The following DNAJC17 variants were observed in gnomAD, a reference collection of about 807,000 sequenced individuals.
The protein encoded by DNAJC17 is DnaJ heat shock protein family (Hsp40) member C17.
Under a neutral mutation model 48.1 loss-of-function variants are expected in DNAJC17, and 35 were observed. That is an observed-to-expected ratio of 0.73 (90% CI 0.56 to 0.96). The LOEUF (loss-of-function observed/expected upper bound fraction) is 0.96, where lower values mean the gene tolerates loss of function less well. Ranked by LOEUF, DNAJC17 falls within the 50% of genes least tolerant of loss-of-function variation. The probability of loss-of-function intolerance (pLI) is 0.00; values close to 1 mark genes in which losing one functional copy is unlikely to be tolerated. For missense variants in DNAJC17, 355 were observed against 377.1 expected (o/e 0.94, Z 0.48); for synonymous variants, 117 against 142.7 (o/e 0.82, Z 1.28).
intron 8 of DNAJC17, 71 bp downstream of exon 8, chr15:40,774,960 G>T: frequency 6.6e-7 from 1 of 1,511,380 alleles, no homozygotes; most frequent in Non-Finnish European, 9.2e-7. Flanking sequence ...GGCATTGAGA[G>T]CAGAGACCTA....
chr15:40,770,085 C>G lies in DNAJC17; in HGVS notation c.793-2023G>C. On this transcript the variant is annotated intron_variant, in intron 10 of 10. Coordinates refer to ENST00000220496, the MANE Select transcript of DNAJC17 (RefSeq NM_018163.3). This position sits in a 1 kb window ranked among gnomAD's most constrained non-coding sequence, Gnocchi z 5.0. ...AGGCAAACACCAGGGCGAGTGAGCT[C>G]GGGCCATCTGCTGCCTGCCTGTGGA... The G allele has an allele frequency of 5.0e-6, 1 of 198,176 alleles. No homozygotes were observed. Among genetic ancestry groups the G allele is most frequent in the Non-Finnish European group, 1.0e-5 (1 of 96,418 alleles). 12.3% of individuals were successfully genotyped at this position (198,176 alleles called of 1,614,324 possible). A position where few individuals can be genotyped will look rare whatever the true frequency, so the allele number is the denominator to read the frequency against.
chr15:40,774,534 C>A, intron 8 of DNAJC17, 98 bp from the exon 9 acceptor site: 1 of 1,324,532 alleles, frequency 7.5e-7, no homozygotes, highest in Admixed American at 1.8e-5. Flanking sequence ...GCCCATGGGG[C>A]ATTTTCAGTT....
At chr15:40,807,239 A>G (rs1215834345) in intron 1 of DNAJC17, 130 bp downstream of exon 1, 1 of 1,567,086 alleles carries the variant, frequency 6.4e-7, no homozygotes, top group South Asian at 1.2e-5. Flanking sequence ...CGGAGGGCAT[A>G]GCGCCGACCC....
intron 1 of DNAJC17, among the ~76,000 whole-genome samples, chr15:40,793,214 T>G (rs1444197541): frequency 6.6e-6 from 1 of 152,172 alleles, no homozygotes; most frequent in Non-Finnish European, 1.5e-5. Flanking sequence ...TTCTAACTGC[T>G]GCAATATATT....
At position 40,777,753 on chromosome 15, in the gene DNAJC17, C is replaced by G. The variant is rs567118940; in HGVS notation, c.296-1126G>C. 1.7e-3 allele frequency among the ~76,000 whole-genome samples: 252 copies of G among 151,474 alleles called. 1 individual carries two copies. Among genetic ancestry groups the G allele is most frequent in the African/African-American group, 6.0e-3 (246 of 41,292 alleles). On this transcript the variant is annotated intron_variant, in intron 4 of 10. Coordinates refer to ENST00000220496, the MANE Select transcript of DNAJC17 (RefSeq NM_018163.3). ...AAAAAAGAGTGCTTGGACCATGCTG[C>G]TATAACCAGTGACTTTTTTTTAAGT...
At chr15:40,775,928 T>C (rs894931338) in intron 6 of DNAJC17, among the ~76,000 whole-genome samples, 1 of 152,144 alleles carries the variant, frequency 6.6e-6, no homozygotes, top group Non-Finnish European at 1.5e-5. Flanking sequence ...CTCCCCGTGG[T>C]GATCTGTCCC....
chr15:40,768,145 G>C (rs1225569228), intron 10 of DNAJC17, 83 bp from the exon 11 acceptor site: 1 of 1,449,338 alleles, frequency 6.9e-7, no homozygotes, highest in Non-Finnish European at 9.1e-7. Context: ...CCGAGGCAGT[G>C]CTGCGTTCTA....
intron 5 of DNAJC17, 53 bp downstream of exon 5, chr15:40,776,489 C>T: frequency 1.9e-6 from 3 of 1,595,366 alleles, no homozygotes; most frequent in Non-Finnish European, 8.6e-7. Flanking sequence ...TCCATCCTCC[C>T]CCACCTCCTC....
intron 1 of DNAJC17, among the ~76,000 whole-genome samples, chr15:40,789,903 C>CAAAAAA (rs71428311): frequency 0.022 from 445 of 20,052 alleles, 34 homozygotes; most frequent in African/African-American, 0.028. Context: ...CAGACTGTCT[C>CAAAAAA]AAAAAAAAAA....
chr15:40,776,218 C>G lies in DNAJC17; in HGVS notation c.456G>C (p.Gln152His), dbSNP rs1361086890. ...CACCTCTCAACCTCTGGTCACGCTC[C>G]TGGCGTATCTGCTCCCGGATGAGCC... Reference protein sequence around the residue: ...QQRLIREQIRQERDQRLRGKA... With the variant: ...QQRLIREQIRHERDQRLRGKA... The change falls in exon 6 of 11, where the codon CAG (glutamine) becomes CAC (histidine). Residue 152 changes from glutamine to histidine, a missense_variant. Physicochemically the swap from Gln to His is conservative, Grantham distance 24. Around this residue, in one of 3 missense-constraint regions of DNAJC17, gnomAD observed 199 missense variants for 199.9 expected, o/e 1.00. Transcript: ENST00000220496. 16 of 1,613,908 alleles carry G rather than the reference C, an allele frequency of 9.9e-6. 1 individual carries two copies. Among genetic ancestry groups the G allele is most frequent in the Admixed American group, 1.7e-5 (1 of 59,992 alleles).
chr15:40,803,257 G>A (rs1415948769), intron 1 of DNAJC17, among the ~76,000 whole-genome samples: 1 of 151,974 alleles, frequency 6.6e-6, no homozygotes, highest in African/African-American at 2.4e-5. Context: ...TGGACAACCA[G>A]TTTAGGAGTT....
intron 2 of DNAJC17, 23 bp from the exon 3 acceptor site, chr15:40,779,626 C>T (rs190410298): frequency 8.3e-5 from 134 of 1,610,222 alleles, no homozygotes; most frequent in Non-Finnish European, 1.1e-4. Flanking sequence ...ATCAAAAAGA[C>T]AGAAGAAAAA....
chr15:40,770,792 AC>A lies in DNAJC17; in HGVS notation c.793-2731del. Reference sequence around the variant, plus strand: ...GCTGCCCCAACATCCTGGAGCCCCCACCTGCCTACACAGCAGCCTACTCTGC... The same window carrying A: ...GCTGCCCCAACATCCTGGAGCCCCCACTGCCTACACAGCAGCCTACTCTGC... On this transcript the variant is annotated intron_variant, in intron 10 of 10. Coordinates refer to ENST00000220496, the MANE Select transcript of DNAJC17 (RefSeq NM_018163.3). The surrounding 1 kb of genome is among the most constrained non-coding windows in gnomAD (Gnocchi z 5.0). 1.3e-6 allele frequency: 2 copies of A among 1,547,184 alleles called. No individual in the cohort carries two copies. Among genetic ancestry groups the A allele is most frequent in the South Asian group, 1.2e-5 (1 of 83,924 alleles).
intron 1 of DNAJC17, among the ~76,000 whole-genome samples, chr15:40,788,172 T>A (rs1003966008): frequency 6.6e-6 from 1 of 152,180 alleles, no homozygotes; most frequent in Non-Finnish European, 1.5e-5. Context: ...GAGAGGCAGA[T>A]GCCTCCCCAT....
At chr15:40,801,996 T>C (rs915937875) in intron 1 of DNAJC17, among the ~76,000 whole-genome samples, 7 of 151,740 alleles carry the variant, frequency 4.6e-5, no homozygotes, top group African/African-American at 1.7e-4. Context: ...TTGGGGATTA[T>C]TTGGGAGGCT....
At chr15:40,801,737 C>CAAAAAAA (rs1048222450) in intron 1 of DNAJC17, among the ~76,000 whole-genome samples, 4 of 63,800 alleles carry the variant, frequency 6.3e-5, no homozygotes, top group Admixed American at 1.7e-4. Flanking sequence ...GACTCCGTCT[C>CAAAAAAA]AAAAAAAAAA....
rs529115513 is a variant in DNAJC17 at position 40,776,255 on chromosome 15, T to C, written c.419A>G (p.Glu140Gly). 3 of 1,614,118 alleles carry C rather than the reference T, an allele frequency of 1.9e-6. No homozygotes were observed. The South Asian group carries it at 3.3e-5, about 18-fold the overall frequency. ...RLREEGSRQL[E>G]EQQRLIREQI... ...CTCCCGGATGAGCCTCTGCTGTTCCTCCAGCTGCCGGGAACCCTCTTCTCT... is the reference window on the plus strand; with the variant it reads ...CTCCCGGATGAGCCTCTGCTGTTCCCCCAGCTGCCGGGAACCCTCTTCTCT... The change falls in exon 6 of 11, where the codon GAG (glutamate) becomes GGG (glycine). Residue 140 changes from glutamate (E) to glycine (G), a missense_variant. By Grantham distance (98) the Glu-to-Gly change is moderately conservative (BLOSUM62 -2). Coordinates refer to ENST00000220496, the MANE Select transcript of DNAJC17 (RefSeq NM_018163.3).
Position 40,767,254 on chromosome 15 carries a change from C to T in DNAJC17, c.*686G>A, listed in dbSNP as rs752762590. The T allele has an allele frequency of 3.3e-5, 52 of 1,592,734 alleles. No individual in the cohort carries two copies. The highest frequency in any genetic ancestry group is 5.7e-5 in the South Asian group (5 of 88,112). On this transcript the variant is annotated 3_prime_UTR_variant, in exon 11 of 11. Transcript: ENST00000220496. Reference sequence around the variant, plus strand: ...TGAATACTACGTCGATGACCCTCCCCGCATAGTCCTGGACAAGCTGGAACG... The same window carrying T: ...TGAATACTACGTCGATGACCCTCCCTGCATAGTCCTGGACAAGCTGGAACG...
At position 40,769,384 on chromosome 15, in the gene DNAJC17, G is replaced by A. The variant is rs2141943631; in HGVS notation, c.793-1322C>T. The stretch of plus-strand genomic sequence containing the variant: ...CAGGAGCCCTCTAGGGTAAAACAAG[G>A]GAGGACAAGGAAATAGCAGCCAGGC... On this transcript the variant is annotated intron_variant, in intron 10 of 10. Coordinates refer to ENST00000220496, the MANE Select transcript of DNAJC17 (RefSeq NM_018163.3). This position sits in a 1 kb window ranked among gnomAD's most constrained non-coding sequence, Gnocchi z 4.2. 6.6e-6 allele frequency among the ~76,000 whole-genome samples: 1 copy of A among 152,338 alleles called. No homozygotes were observed. The highest frequency in any genetic ancestry group is 2.1e-4 in the South Asian group (1 of 4,832).
Sources: allele counts gnomAD v4.1 joint callset (sites outside exome capture counted in the v4.1 genomes callset), GRCh38; gene constraint gnomAD v4.1.1; regional missense constraint gnomAD v4.1.1; non-coding constraint Gnocchi (gnomAD v3.1); transcripts MANE v1.5; gene names NCBI Gene and HGNC (gene_info 2026-07-23, HGNC 2026-07-21).